Variants in ZNF354A observed in about 807,000 individuals in gnomAD.
ZNF354A encodes zinc finger protein 354A.
ZNF354A carries 25 observed loss-of-function variants against 53.3 expected under a neutral mutation model. The observed-to-expected ratio is 0.47, with a 90% CI of 0.34 to 0.66. ZNF354A has a LOEUF of 0.66. Ranked by LOEUF, ZNF354A falls within the 30% of genes least tolerant of loss-of-function variation. The pLI, the probability that ZNF354A is intolerant of heterozygous loss-of-function variation, is 0.01. For synonymous variants in ZNF354A, 228 were observed against 249.0 expected, an observed-to-expected ratio of 0.92 and a Z score of 0.79; for missense variants, 586 against 716.8, an observed-to-expected ratio of 0.82 and a Z score of 2.08.
Position 178,725,290 on chromosome 5 carries a change from G to C in ZNF354A, c.256+86C>G, listed in dbSNP as rs1347919384. 26 of 1,345,410 alleles carry C rather than the reference G, an allele frequency of 1.9e-5. No homozygotes were observed. In the East Asian group the frequency reaches 5.3e-4, roughly 27 times the overall value. 83.3% of individuals were successfully genotyped at this position (1,345,410 alleles called of 1,614,324 possible). A position where few individuals can be genotyped will look rare whatever the true frequency, so the allele number is the denominator to read the frequency against. On this transcript the variant is annotated intron_variant, in intron 4 of 4. Coordinates refer to ENST00000335815, the MANE Select transcript of ZNF354A (RefSeq NM_005649.3). ...CTTCTTGAGGCCTGAGAATTCTCAA[G>C]GGAGTTTCCCAACCAACGTTCCTAC...
chr5:178,712,533 A>T lies in ZNF354A; in HGVS notation c.1345T>A (p.Ser449Thr). ...TCGTGAATAATAAGTGTTGAGTGGG[A>T]GCTTAAGGCTTTACCACATTCATTA... ...NCNECGKALSSHSTLIIHERI... is the reference protein window; with the variant it reads ...NCNECGKALSTHSTLIIHERI... Residue 449 changes from serine (S) to threonine (T), a missense_variant, in exon 5 of 5, where the codon TCC (serine) becomes ACC (threonine). Ser to Thr is a moderately conservative substitution (Grantham distance 58). Around this residue, in one of 2 missense-constraint regions of ZNF354A, gnomAD observed 573 missense variants for 680.1 expected, o/e 0.84. Coordinates refer to ENST00000335815, the MANE Select transcript of ZNF354A (RefSeq NM_005649.3). 6.2e-7 allele frequency: 1 copy of T among 1,614,126 alleles called. No homozygotes were observed.
chr5:178,726,270 G>A (rs754451701), intron 3 of ZNF354A: 23 of 455,286 alleles, frequency 5.1e-5, no homozygotes, highest in African/African-American at 8.0e-5. Context: ...AATATGTTAC[G>A]GAGACCATTA....
intron 3 of ZNF354A, 30 bp from the exon 4 acceptor site, chr5:178,725,501 C>T: frequency 6.2e-7 from 1 of 1,602,958 alleles, no homozygotes; most frequent in East Asian, 2.2e-5. Flanking sequence ...CACAACCAAA[C>T]AAATCAGACT....
chr5:178,722,316 C>T (rs1019152131), intron 4 of ZNF354A, among the ~76,000 whole-genome samples: 2 of 152,118 alleles, frequency 1.3e-5, no homozygotes, highest in African/African-American at 2.4e-5. Flanking sequence ...TACTGTACTC[C>T]GAAATCAACA....
At chr5:178,724,586 T>C (rs977263361) in intron 4 of ZNF354A, among the ~76,000 whole-genome samples, 1 of 152,176 alleles carries the variant, frequency 6.6e-6, no homozygotes, top group African/African-American at 2.4e-5. Context: ...TCAAATCACA[T>C]AAGAACGTCA....
intron 4 of ZNF354A, among the ~76,000 whole-genome samples, chr5:178,719,808 G>A (rs558676666): frequency 2.2e-4 from 33 of 151,594 alleles, no homozygotes; most frequent in Non-Finnish European, 4.4e-4. Context: ...TTAGCCGGGC[G>A]TAGTGGCGGG....
At chr5:178,720,400 C>A (rs751264573) in intron 4 of ZNF354A, among the ~76,000 whole-genome samples, 1 of 152,146 alleles carries the variant, frequency 6.6e-6, no homozygotes, top group African/African-American at 2.4e-5. Context: ...CCTAATCCAG[C>A]GTGACTGCTG....
rs539483472 is a variant in ZNF354A at position 178,725,407 on chromosome 5, C to T, written c.225G>A (p.Val75=). 1 of 1,614,152 alleles carries T rather than the reference C, an allele frequency of 6.2e-7. No individual in the cohort carries two copies. Among genetic ancestry groups the T allele is most frequent in the African/African-American group, 1.3e-5 (1 of 75,050 alleles). Residue 75 remains valine, a synonymous_variant, in exon 4 of 5, where the codon GTG becomes GTA. Coordinates refer to ENST00000335815, the MANE Select transcript of ZNF354A (RefSeq NM_005649.3). ...LLQQGEDPWE[V]EKDGSGVSSL... ...AGGAGACGCCAGAACCGTCTTTCTC[C>T]ACCTCCCAGGGATCTTCTCCTTGCT...
chr5:178,726,906 A>G lies in ZNF354A; in HGVS notation c.160+93T>C. On this transcript the variant is annotated intron_variant, in intron 3 of 4. Coordinates refer to ENST00000335815, the MANE Select transcript of ZNF354A (RefSeq NM_005649.3). ...GTACAATCCTCACACACTCAGCTCA[A>G]ATTTTTCAGTGACCAACCGCTTTTA... 9 of 1,518,470 alleles carry G rather than the reference A, an allele frequency of 5.9e-6. 1 individual carries two copies. The South Asian group carries it at 1.1e-4, about 18-fold the overall frequency. The allele number at this position is 1,518,470 out of a possible 1,614,324, so 94.1% of individuals were successfully genotyped here.
chr5:178,729,997 GGGA>G (rs1766000450), intron 1 of ZNF354A, among the ~76,000 whole-genome samples: 1 of 151,964 alleles, frequency 6.6e-6, no homozygotes, highest in South Asian at 2.1e-4. Flanking sequence ...ACAAGTAGCT[GGGA>G]CTACAGGCGC....
chr5:178,728,103 A>G (rs949631544), intron 2 of ZNF354A, among the ~76,000 whole-genome samples: 7 of 152,120 alleles, frequency 4.6e-5, no homozygotes, highest in African/African-American at 1.7e-4. Flanking sequence ...CGACCTCCCA[A>G]AGTGCTGGGA....
At chr5:178,726,378 T>C (rs555332443) in intron 3 of ZNF354A, among the ~76,000 whole-genome samples, 148 of 151,716 alleles carry the variant, frequency 9.8e-4, no homozygotes, top group African/African-American at 3.5e-3. Flanking sequence ...TGGCGGGAAC[T>C]TGGCTCACTG....
At chr5:178,715,557 A>C (rs1341456769) in intron 4 of ZNF354A, among the ~76,000 whole-genome samples, 1 of 152,184 alleles carries the variant, frequency 6.6e-6, no homozygotes, top group African/African-American at 2.4e-5. Flanking sequence ...ATCAAATTTT[A>C]ATACATTATT....
Position 178,712,166 on chromosome 5 carries a change from A to C in ZNF354A, c.1712T>G (p.Ile571Ser). The change falls in exon 5 of 5, where the codon ATT (isoleucine) becomes AGT (serine). Residue 571 changes from isoleucine to serine, a missense_variant. Ile to Ser is a moderately radical substitution (Grantham distance 142, BLOSUM62 -2). Around this residue, in one of 2 missense-constraint regions of ZNF354A, gnomAD observed 573 missense variants for 680.1 expected, o/e 0.84. Coordinates refer to ENST00000335815, the MANE Select transcript of ZNF354A (RefSeq NM_005649.3). ...TTCATAGGGTTTCTCTCCAGTATGA[A>C]TTCTCTGATGTGCAATACGTGATGA... ...QSSSRIAHQRIHTGEKPYECN... is the reference protein window; with the variant it reads ...QSSSRIAHQRSHTGEKPYECN... 1 of 1,614,084 alleles carries C rather than the reference A, an allele frequency of 6.2e-7. No homozygotes were observed. The highest frequency in any genetic ancestry group is 2.2e-5 in the East Asian group (1 of 44,862).
At chr5:178,727,727 A>G (rs1400768991) in intron 2 of ZNF354A, among the ~76,000 whole-genome samples, 2 of 152,204 alleles carry the variant, frequency 1.3e-5, no homozygotes, top group South Asian at 2.1e-4. Flanking sequence ...ATTCACAACA[A>G]TCCTATCAAG....
At chr5:178,728,686 A>C (rs1765960394) in intron 2 of ZNF354A, among the ~76,000 whole-genome samples, 1 of 148,406 alleles carries the variant, frequency 6.7e-6, no homozygotes, top group Non-Finnish European at 1.5e-5. Flanking sequence ...AATCCCAGCT[A>C]CTTGGGAGGC....
At position 178,730,607 on chromosome 5, in the gene ZNF354A, G is replaced by A. The variant is rs1441569685; in HGVS notation, c.-103C>T. ...GCGCCTCCCCAGCCGCGAGGCTCCG[G>A]AACCGCCGGCCGGGATGCAGCCTCG... On this transcript the variant is annotated 5_prime_UTR_variant, in exon 1 of 5. Transcript: ENST00000335815. 6.6e-6 allele frequency: 1 copy of A among 151,904 alleles called. No homozygotes were observed. The highest frequency in any genetic ancestry group is 1.5e-5 in the Non-Finnish European group (1 of 67,958). The allele number at this position is 151,904 out of a possible 1,614,324, so 9.4% of individuals were successfully genotyped here.
chr5:178,726,769 T>G (rs980803036), intron 3 of ZNF354A, among the ~76,000 whole-genome samples: 5 of 152,166 alleles, frequency 3.3e-5, no homozygotes, highest in Non-Finnish European at 5.9e-5. Flanking sequence ...TGTGATTACA[T>G]AGAGAGAGAG....
Position 178,712,054 on chromosome 5 carries a change from T to G in ZNF354A, c.*6A>C, listed in dbSNP as rs2113864973. ...TTTAAGGCTTTCACACATACAAATC[T>G]ACTTTCTAGGGGTCCTCTTCGATAT... On this transcript the variant is annotated 3_prime_UTR_variant, in exon 5 of 5. Transcript: ENST00000335815. The G allele has an allele frequency of 6.4e-7, 1 of 1,567,462 alleles. No individual in the cohort carries two copies. Among genetic ancestry groups the G allele is most frequent in the Non-Finnish European group, 8.6e-7 (1 of 1,158,704 alleles).
Sources: allele counts gnomAD v4.1 joint callset (sites outside exome capture counted in the v4.1 genomes callset), GRCh38; gene constraint gnomAD v4.1.1; regional missense constraint gnomAD v4.1.1; transcripts MANE v1.5; gene names NCBI Gene and HGNC (gene_info 2026-07-23, HGNC 2026-07-21).